Variants in STRN3 observed in about 807,000 individuals in gnomAD.
STRN3 encodes the protein striatin-3.
Under a neutral mutation model 95.6 loss-of-function variants are expected in STRN3, and 29 were observed. The observed-to-expected ratio is 0.30, with a 90% CI of 0.23 to 0.41. The LOEUF (loss-of-function observed/expected upper bound fraction) is 0.41, where lower values mean the gene tolerates loss of function less well. STRN3 is among the 10% of genes least tolerant of loss of function. The pLI, the probability that STRN3 is intolerant of heterozygous loss-of-function variation, is 1.00. For synonymous variants in STRN3, 331 were observed against 357.6 expected (o/e 0.93, Z 0.84); for missense variants, 890 against 972.1 (o/e 0.92, Z 1.12).
At chr14:30,936,259 A>C (rs1878811728) in intron 6 of STRN3, among the ~76,000 whole-genome samples, 5 of 152,192 alleles carry the variant, frequency 3.3e-5, no homozygotes, top group South Asian at 2.1e-4. Flanking sequence ...AAAGGTTTCA[A>C]AATCAATGGA....
intron 8 of STRN3, among the ~76,000 whole-genome samples, chr14:30,922,462 GACT>G (rs1896909797): frequency 6.6e-6 from 1 of 152,118 alleles, no homozygotes; most frequent in Non-Finnish European, 1.5e-5. Flanking sequence ...CCAAACTATA[GACT>G]ACTGTTACAT....
In STRN3 at chr14:30,905,517, G is replaced by C. The variant is rs368182746; in HGVS notation, c.1930C>G (p.Pro644Ala). The C allele has an allele frequency of 7.5e-6, 12 of 1,607,196 alleles. No homozygotes were observed. In the South Asian group the frequency reaches 1.1e-4, roughly 15 times the overall value. The change falls in exon 15 of 18, where the codon CCA becomes GCA. Residue 644 changes from proline (P) to alanine (A), a missense_variant. By Grantham distance (27) the Pro-to-Ala change is conservative. Around this residue, in one of 3 missense-constraint regions of STRN3, gnomAD observed 357 missense variants for 422.8 expected, o/e 0.84. Coordinates refer to ENST00000357479, the MANE Select transcript of STRN3 (RefSeq NM_001083893.2). ...TTGAAAGAGGTTACCATATGAGCTG[G>C]ATCACAGCCTATAAAGTCAACTGAT... The part of the protein sequence containing the change: ...PTSVDFIGCD[P>A]AHMVTSFNTG...
chr14:31,026,263 T>C lies in STRN3; in HGVS notation c.-78A>G. 7.6e-7 allele frequency: 1 copy of C among 1,307,276 alleles called. No individual in the cohort carries two copies. Among genetic ancestry groups the C allele is most frequent in the Non-Finnish European group, 9.8e-7 (1 of 1,024,160 alleles). The allele number at this position is 1,307,276 out of a possible 1,614,324, so 81.0% of individuals were successfully genotyped here. A position where few individuals can be genotyped will look rare whatever the true frequency, so the allele number is the denominator to read the frequency against. ...AGGGCCGGAGAGGGTGGCCCCGCGC[T>C]GGCTGCGGGGCGGAGGCCGGCCGGG... On this transcript the variant is annotated 5_prime_UTR_variant, in exon 1 of 18. Transcript: ENST00000357479.
chr14:30,927,411 A>G (rs1180287166), intron 8 of STRN3, among the ~76,000 whole-genome samples: 5 of 152,116 alleles, frequency 3.3e-5, no homozygotes, highest in African/African-American at 7.2e-5. Context: ...AAGAACTAAA[A>G]AAGACCTTGA....
At chr14:30,939,130 A>T (rs1878968634) in intron 5 of STRN3, among the ~76,000 whole-genome samples, 1 of 152,178 alleles carries the variant, frequency 6.6e-6, no homozygotes, top group Admixed American at 6.6e-5. Flanking sequence ...ATTTCATTTG[A>T]ATTATAGCGG....
At chr14:30,935,067 C>A in intron 7 of STRN3, 96 bp downstream of exon 7, 2 of 1,446,030 alleles carry the variant, frequency 1.4e-6, no homozygotes, top group Middle Eastern at 1.8e-4. Flanking sequence ...TAACTGCCAC[C>A]ATATATTTAT....
intron 7 of STRN3, among the ~76,000 whole-genome samples, chr14:30,931,327 A>T (rs946572914): frequency 2.6e-5 from 4 of 152,092 alleles, no homozygotes; most frequent in African/African-American, 9.7e-5. Flanking sequence ...TCCTTTTTTT[A>T]AAAAATCTAG....
chr14:30,944,317 T>C (rs973844788), intron 5 of STRN3, among the ~76,000 whole-genome samples: 2 of 151,964 alleles, frequency 1.3e-5, no homozygotes, highest in South Asian at 2.1e-4. Context: ...AAACACTCTA[T>C]GCTTCCTGAA....
chr14:30,905,112 C>T (rs1216305655), intron 15 of STRN3, among the ~76,000 whole-genome samples: 1 of 152,122 alleles, frequency 6.6e-6, no homozygotes, highest in East Asian at 1.9e-4. Context: ...ATGTGTAATA[C>T]TGGGCATTTA....
At chr14:30,978,827 G>A (rs1566471494) in intron 1 of STRN3, among the ~76,000 whole-genome samples, 1 of 152,104 alleles carries the variant, frequency 6.6e-6, no homozygotes, top group African/African-American at 2.4e-5. Context: ...GAGCTCAGGA[G>A]TTTGAGACCA....
intron 7 of STRN3, among the ~76,000 whole-genome samples, chr14:30,929,563 ATCAT>A (rs1415298314): frequency 6.6e-6 from 1 of 152,182 alleles, no homozygotes; most frequent in Non-Finnish European, 1.5e-5. Flanking sequence ...TTTGAAGGTT[ATCAT>A]TCATTCAATA....
chr14:30,995,502 T>C (rs1397960417), intron 1 of STRN3, among the ~76,000 whole-genome samples: 1 of 152,232 alleles, frequency 6.6e-6, no homozygotes, highest in Non-Finnish European at 1.5e-5. Context: ...GCCTTTTGAA[T>C]ATCTGCTAGC....
intron 5 of STRN3, among the ~76,000 whole-genome samples, chr14:30,941,147 C>A (rs1346143800): frequency 6.6e-6 from 1 of 152,154 alleles, no homozygotes; most frequent in Non-Finnish European, 1.5e-5. Flanking sequence ...ACTTCCCAAC[C>A]TCCTGAGCTG....
At chr14:30,946,481 C>T (rs1456903128) in intron 5 of STRN3, among the ~76,000 whole-genome samples, 1 of 152,086 alleles carries the variant, frequency 6.6e-6, no homozygotes, top group Non-Finnish European at 1.5e-5. Context: ...AAGTCAGAGG[C>T]TGCCATGAGC....
intron 1 of STRN3, among the ~76,000 whole-genome samples, chr14:30,974,984 T>C (rs1881019304): frequency 6.6e-6 from 1 of 150,978 alleles, no homozygotes; most frequent in Non-Finnish European, 1.5e-5. Context: ...ATGCCTACAC[T>C]ATGAGGTGCC....
intron 1 of STRN3, among the ~76,000 whole-genome samples, chr14:30,989,499 C>T (rs1162844256): frequency 1.3e-5 from 2 of 152,074 alleles, no homozygotes; most frequent in African/African-American, 4.8e-5. Context: ...CTGGCTCTGT[C>T]GCCCAGGCTG....
intron 13 of STRN3, among the ~76,000 whole-genome samples, chr14:30,907,516 G>A (rs1426518152): frequency 2.0e-5 from 3 of 152,106 alleles, no homozygotes; most frequent in African/African-American, 4.8e-5. Flanking sequence ...CTCTATAGAT[G>A]TGTCTTTCTG....
At chr14:30,907,871 A>G (rs1326230045) in intron 13 of STRN3, among the ~76,000 whole-genome samples, 1 of 152,124 alleles carries the variant, frequency 6.6e-6, no homozygotes, top group Non-Finnish European at 1.5e-5. Context: ...CTGTTTTTCT[A>G]GTAAACTCCT....
chr14:30,992,806 A>G (rs1268978586), intron 1 of STRN3, among the ~76,000 whole-genome samples: 1 of 152,132 alleles, frequency 6.6e-6, no homozygotes, highest in African/African-American at 2.4e-5. Flanking sequence ...TTGAGCCCAA[A>G]AGTTCGAGAG....
Sources: gnomAD v4.1 joint callset for allele counts (sites outside exome capture counted in the v4.1 genomes callset) on GRCh38, gnomAD v4.1.1 for gene constraint, gnomAD v4.1.1 regional missense constraint, MANE v1.5 for transcripts, NCBI Gene and HGNC (gene_info 2026-07-23, HGNC 2026-07-21) for gene names.